Variants in AGGF1 observed in about 807,000 individuals in gnomAD.
The protein encoded by AGGF1 is angiogenic factor with G-patch and FHA domains 1.
A neutral mutation model predicts 86.5 loss-of-function variants in AGGF1; 56 were observed. The ratio of observed to expected loss-of-function variants is 0.65; its 90% CI spans 0.52 to 0.81. AGGF1 has a LOEUF of 0.81. AGGF1 is among the 30% of genes least tolerant of loss of function. AGGF1 has a pLI of 0.00. For synonymous variants in AGGF1, 313 were observed against 297.1 expected, an observed-to-expected ratio of 1.05 and a Z score of -0.55; for missense variants, 816 against 850.9, an observed-to-expected ratio of 0.96 and a Z score of 0.51.
Position 77,063,513 on chromosome 5 carries a change from C to T in AGGF1, c.*261C>T. On this transcript the variant is annotated 3_prime_UTR_variant, in exon 14 of 14. Transcript: ENST00000312916. Reference sequence around the variant, plus strand: ...ATCAAACTTCGTTATTTTATCTTGTCATTTACAACATCCATATAAGCAACT... The same window carrying T: ...ATCAAACTTCGTTATTTTATCTTGTTATTTACAACATCCATATAAGCAACT... 2 of 446,458 alleles carry T rather than the reference C, an allele frequency of 4.5e-6. No homozygotes were observed. Among genetic ancestry groups the T allele is most frequent in the Non-Finnish European group, 4.0e-6 (1 of 248,638 alleles). The allele number at this position is 446,458 out of a possible 1,614,324, so 27.7% of individuals were successfully genotyped here.
rs755898759 is a variant in AGGF1 at position 77,063,263 on chromosome 5, T to C, written c.*11T>C. 1 of 1,594,258 alleles carries C rather than the reference T, an allele frequency of 6.3e-7. No individual in the cohort carries two copies. Among genetic ancestry groups the C allele is most frequent in the Non-Finnish European group, 8.6e-7 (1 of 1,168,934 alleles). On this transcript the variant is annotated 3_prime_UTR_variant, in exon 14 of 14. Transcript: ENST00000312916. ...GGGACTTTAGAGTGAAGGCTAATCA[T>C]AGAAAAAAAACCTCTAGTTTTTTTA... is the stretch of plus-strand genomic sequence containing the variant.
chr5:77,033,330 G>T (rs1173746373), intron 1 of AGGF1, among the ~76,000 whole-genome samples: 2 of 152,118 alleles, frequency 1.3e-5, no homozygotes, highest in African/African-American at 4.8e-5. Context: ...GATATTTTAT[G>T]TGTAAAATTG....
intron 8 of AGGF1, 21 bp downstream of exon 8, chr5:77,049,008 A>C (rs766546038): frequency 6.2e-7 from 1 of 1,609,416 alleles, no homozygotes; most frequent in Non-Finnish European, 8.5e-7. Flanking sequence ...TGATTTATCA[A>C]ATATAGTCCC....
chr5:77,040,152 G>A (rs948343655), intron 5 of AGGF1, among the ~76,000 whole-genome samples: 2 of 149,850 alleles, frequency 1.3e-5, no homozygotes, highest in East Asian at 1.9e-4. Flanking sequence ...CTTGTTGCCC[G>A]GGCTGGAATG....
intron 5 of AGGF1, among the ~76,000 whole-genome samples, chr5:77,042,557 A>C (rs1580127279): frequency 4.9e-5 from 3 of 61,418 alleles, no homozygotes; most frequent in Non-Finnish European, 7.4e-5. Flanking sequence ...CACCTCCCGG[A>C]CGGGGCGGCT....
rs977298249 is a variant in AGGF1, at chr5:77,046,538, A to G, written c.1062A>G (p.Thr354=). Residue 354 remains threonine, a synonymous_variant, in exon 6 of 14, where the codon ACA becomes ACG. Coordinates refer to ENST00000312916, the MANE Select transcript of AGGF1 (RefSeq NM_018046.5). ...TTCATGAAAACATCTCTAATTCAACATCATTTAAAGATGAGAAAATCATGG... is the reference window on the plus strand; with the variant it reads ...TTCATGAAAACATCTCTAATTCAACGTCATTTAAAGATGAGAAAATCATGG... ...SPLHENISNS[T]SFKDEKIMET... is the part of the protein sequence containing the mutation. 1.2e-6 allele frequency: 2 copies of G among 1,614,008 alleles called. No individual in the cohort carries two copies. The highest frequency in any genetic ancestry group is 1.7e-5 in the Admixed American group (1 of 60,012).
chr5:77,046,571 T>C lies in AGGF1; in HGVS notation c.1095T>C (p.Asp365=), dbSNP rs1271290005. 5 of 1,613,884 alleles carry C rather than the reference T, an allele frequency of 3.1e-6. No homozygotes were observed. Among genetic ancestry groups the C allele is most frequent in the Non-Finnish European group, 4.2e-6 (5 of 1,179,870 alleles). The part of the protein sequence containing the change: ...SFKDEKIMET[D]SEPEEGEITD... ...AAGATGAGAAAATCATGGAGACTGA[T>C]AGTGAACCAGAGGAAGGTGAAATTA... Residue 365 remains aspartate, a synonymous_variant, in exon 6 of 14, where the codon GAT becomes GAC. Coordinates refer to ENST00000312916, the MANE Select transcript of AGGF1 (RefSeq NM_018046.5).
chr5:77,050,833 C>T (rs1747359515), intron 8 of AGGF1, among the ~76,000 whole-genome samples: 1 of 152,076 alleles, frequency 6.6e-6, no homozygotes. Flanking sequence ...TCCACTGTGA[C>T]ACCAGTAGAT....
At chr5:77,047,733 G>T (rs1235419321) in intron 6 of AGGF1, among the ~76,000 whole-genome samples, 1 of 151,150 alleles carries the variant, frequency 6.6e-6, no homozygotes, top group Non-Finnish European at 1.5e-5. Context: ...GGCCAGGGTG[G>T]TCTTGAACTC....
intron 5 of AGGF1, among the ~76,000 whole-genome samples, chr5:77,045,641 ATTGAGTACAT>A (rs1468989468): frequency 6.6e-6 from 1 of 152,236 alleles, no homozygotes; most frequent in Admixed American, 6.5e-5. Flanking sequence ...TTTGCTACAT[ATTGAGTACAT>A]TTGGATCTTT....
chr5:77,044,092 C>T (rs1047202679), intron 5 of AGGF1, among the ~76,000 whole-genome samples: 352 of 138,522 alleles, frequency 2.5e-3, no homozygotes, highest in African/African-American at 9.2e-3. Context: ...CCTCACTTTC[C>T]AGACTGGGCA....
intron 6 of AGGF1, among the ~76,000 whole-genome samples, chr5:77,046,955 A>G (rs1747267156): frequency 6.6e-6 from 1 of 152,224 alleles, no homozygotes; most frequent in African/African-American, 2.4e-5. Context: ...CTTAAAATAT[A>G]GATTAAGGCT....
intron 5 of AGGF1, among the ~76,000 whole-genome samples, 199 bp from the exon 6 acceptor site, chr5:77,046,148 T>C (rs13357255): frequency 0.16 from 23,825 of 152,216 alleles, 2,551 homozygotes; most frequent in Non-Finnish European, 0.21. Context: ...ATAGGATTTT[T>C]AATTTGGATA....
chr5:77,059,612 T>C lies in AGGF1; in HGVS notation c.1717-4T>C. On this transcript the variant is annotated splice_region_variant and splice_polypyrimidine_tract_variant and intron_variant, in intron 11 of 13. Transcript: ENST00000312916. ...TCCTGAATGAATATTTTGTGTTTAT[T>C]AAGAATACAGAATACGAAGATGAAA... 1 of 1,601,100 alleles carries C rather than the reference T, an allele frequency of 6.2e-7. No individual in the cohort carries two copies. Among genetic ancestry groups the C allele is most frequent in the East Asian group, 2.2e-5 (1 of 44,816 alleles).
At chr5:77,056,390 C>A (rs993490673) in intron 11 of AGGF1, among the ~76,000 whole-genome samples, 1 of 151,590 alleles carries the variant, frequency 6.6e-6, no homozygotes, top group Non-Finnish European at 1.5e-5. Context: ...CACCACGCCC[C>A]GCTAATTTTT....
At chr5:77,041,628 A>G (rs979564986) in intron 5 of AGGF1, among the ~76,000 whole-genome samples, 1 of 151,246 alleles carries the variant, frequency 6.6e-6, no homozygotes, top group Non-Finnish European at 1.5e-5. Flanking sequence ...CTAACAATAG[A>G]AGAAGAATAT....
At chr5:77,041,610 A>G (rs1360252159) in intron 5 of AGGF1, among the ~76,000 whole-genome samples, 1 of 149,844 alleles carries the variant, frequency 6.7e-6, no homozygotes, top group East Asian at 1.9e-4. Context: ...TTGTGAAAGC[A>G]CCTCTCCCTA....
Position 77,035,653 on chromosome 5 carries a change from T to C in AGGF1, c.426T>C (p.His142=), listed in dbSNP as rs1331256265. 6.2e-7 allele frequency: 1 copy of C among 1,613,498 alleles called. No homozygotes were observed. Among genetic ancestry groups the C allele is most frequent in the Non-Finnish European group, 8.5e-7 (1 of 1,179,704 alleles). The change falls in exon 3 of 14, where the codon CAT becomes CAC. Residue 142 remains histidine (H), a synonymous_variant. Transcript: ENST00000312916. ...CTTCTATTTTGAATTCTAAAGACCA[T>C]TTACAAGTAGAAAATGATGCTTACC... The part of the protein sequence containing the change: ...IETSILNSKD[H]LQVENDAYPG...
chr5:77,039,747 A>C (rs1381273924), intron 5 of AGGF1, 28 bp downstream of exon 5: 1 of 1,589,972 alleles, frequency 6.3e-7, no homozygotes, highest in Admixed American at 1.7e-5. Flanking sequence ...TTAAAAATTG[A>C]CATAATGGTG....
Sources: gnomAD v4.1 joint callset for allele counts (sites outside exome capture counted in the v4.1 genomes callset) on GRCh38, gnomAD v4.1.1 for gene constraint, MANE v1.5 for transcripts, NCBI Gene and HGNC (gene_info 2026-07-23, HGNC 2026-07-21) for gene names.